Variants in C4orf50 observed in about 807,000 individuals in gnomAD.
The protein encoded by C4orf50 is chromosome 4 open reading frame 50, also known as uncharacterized protein C4orf50.
C4orf50 carries 80 observed loss-of-function variants against 77.2 expected under a neutral mutation model. The ratio of observed to expected loss-of-function variants is 1.04; its 90% CI spans 0.87 to 1.25. The LOEUF (loss-of-function observed/expected upper bound fraction) is 1.25. Ranked by LOEUF, C4orf50 falls within the 50% of genes most tolerant of loss-of-function variation. The pLI is 0.00. For synonymous variants in C4orf50, 532 were observed against 465.3 expected (o/e 1.14, Z -1.84); for missense variants, 1,257 against 1,152.9 (o/e 1.09, Z -1.31).
At chr4:6,016,507 T>C (rs552669864) in intron 23 of C4orf50, among the ~76,000 whole-genome samples, 3 of 152,216 alleles carry the variant, frequency 2.0e-5, no homozygotes, top group African/African-American at 7.2e-5. Context: ...CAAGATTATG[T>C]CACTTCACTC....
At chr4:5,936,145 AG>A (rs1242132310) in intron 7 of C4orf50, among the ~76,000 whole-genome samples, 1 of 152,178 alleles carries the variant, frequency 6.6e-6, no homozygotes, top group Non-Finnish European at 1.5e-5. Flanking sequence ...ACTAAAGTAC[AG>A]AAAGATCACA....
At chr4:5,980,253 C>A in exon 29 of C4orf50, 2 of 1,612,752 alleles carry the variant, frequency 1.2e-6, no homozygotes, top group Non-Finnish European at 1.7e-6. Flanking sequence ...CCTGAGCTGG[C>A]ACTGCAGGGT....
intron 7 of C4orf50, among the ~76,000 whole-genome samples, chr4:5,940,091 CTAAT>C (rs1202368584): frequency 6.6e-5 from 10 of 152,198 alleles, no homozygotes; most frequent in Admixed American, 2.6e-4. Flanking sequence ...CCTCCCATAG[CTAAT>C]TAAATATGTA....
rs143339472 is a variant in C4orf50, at chr4:5,932,936, T to A, written c.*2474+23965A>T. Among the ~76,000 whole-genome samples the A allele has an allele frequency of 6.6e-6, 1 of 152,336 alleles. No individual in the cohort carries two copies. The highest frequency in any genetic ancestry group is 2.4e-5 in the African/African-American group (1 of 41,582). ...CTCCTGGCATACAGCAGCCACTCAA[T>A]AAATGGCGGAAACCATATTATCATT... On this transcript the variant is annotated intron_variant, in intron 7 of 7. Coordinates refer to the C4orf50 transcript ENST00000324058. This position sits in a 1 kb window ranked among gnomAD's most constrained non-coding sequence, Gnocchi z 4.2.
intron 33 of C4orf50, among the ~76,000 whole-genome samples, chr4:5,961,996 T>C (rs1719301345): frequency 6.6e-6 from 1 of 152,216 alleles, no homozygotes. Flanking sequence ...CCAGCCCAGA[T>C]ACATGGCTTG....
intron 33 of C4orf50, among the ~76,000 whole-genome samples, chr4:5,963,495 C>T (rs6844870): frequency 0.67 from 101,554 of 151,992 alleles, 34,715 homozygotes; most frequent in African/African-American, 0.74. Context: ...TTTTTGATTC[C>T]AGGCACTATA....
chr4:5,973,186 G>A (rs1216346686), intron 31 of C4orf50, among the ~76,000 whole-genome samples: 1 of 152,160 alleles, frequency 6.6e-6, no homozygotes, highest in Non-Finnish European at 1.5e-5. Flanking sequence ...GCGGGGCCAC[G>A]TGCAATGGAG....
exon 28 of C4orf50, chr4:5,990,353 T>G: frequency 1.7e-6 from 1 of 577,542 alleles, no homozygotes; most frequent in Non-Finnish European, 2.6e-6. Flanking sequence ...AAAGTCCCCC[T>G]TGCCTTCCCC....
At chr4:5,914,790 T>A (rs1163120694) in intron 7 of C4orf50, among the ~76,000 whole-genome samples, 1 of 152,192 alleles carries the variant, frequency 6.6e-6, no homozygotes, top group Non-Finnish European at 1.5e-5. Context: ...TGAGCTTGTT[T>A]TACAAGGCTG....
chr4:5,979,571 G>T (rs771446146), intron 29 of C4orf50, among the ~76,000 whole-genome samples: 85 of 152,374 alleles, frequency 5.6e-4, no homozygotes, highest in Non-Finnish European at 7.3e-4. Flanking sequence ...TTATATTTTA[G>T]ATGATTAAGA....
At chr4:5,961,028 T>A (rs775119638) in intron 33 of C4orf50, among the ~76,000 whole-genome samples, 2 of 152,188 alleles carry the variant, frequency 1.3e-5, no homozygotes, top group Non-Finnish European at 2.9e-5. Context: ...TGGAAGTGGC[T>A]GTCTCTTCAT....
At chr4:6,013,890 A>G (rs1199040702) in intron 23 of C4orf50, among the ~76,000 whole-genome samples, 1 of 152,166 alleles carries the variant, frequency 6.6e-6, no homozygotes, top group Non-Finnish European at 1.5e-5. Flanking sequence ...GTGTTACAGC[A>G]ACCACGGGAA....
chr4:5,912,088 C>CAA (rs59166327), intron 7 of C4orf50, among the ~76,000 whole-genome samples: 1 of 152,292 alleles, frequency 6.6e-6, no homozygotes. Flanking sequence ...CACAAACAAA[C>CAA]ACAAACAAAC....
intron 25 of C4orf50, among the ~76,000 whole-genome samples, chr4:5,997,096 A>G (rs1234081712): frequency 6.6e-6 from 1 of 152,248 alleles, no homozygotes; most frequent in Non-Finnish European, 1.5e-5. Context: ...TCAAAGTGAA[A>G]GCAGGAAGAG....
In C4orf50 at chr4:5,910,907, C is replaced by CTTTTTTTTTTT. The variant is rs33913636; in HGVS notation, c.*2475-12730_*2475-12720dup. 4.7e-4 allele frequency among the ~76,000 whole-genome samples: 50 copies of CTTTTTTTTTTT among 106,554 alleles called. 1 individual carries two copies. Among genetic ancestry groups the CTTTTTTTTTTT allele is most frequent in the Non-Finnish European group, 6.9e-4 (39 of 56,798 alleles). The allele number at this position is 106,554 out of a possible 152,430, so 69.9% of individuals were successfully genotyped here. ...GCCAATGGGTTTCTTCCCTTTCTTT[C>CTTTTTTTTTTT]TTTTTTTTTTTTTTTTTTTTGAGAC... On this transcript the variant is annotated intron_variant, in intron 7 of 7. Transcript: ENST00000324058.
intron 7 of C4orf50, among the ~76,000 whole-genome samples, chr4:5,922,745 A>T (rs1441109398): frequency 6.6e-6 from 1 of 152,148 alleles, no homozygotes; most frequent in Non-Finnish European, 1.5e-5. Flanking sequence ...CATGCTCATC[A>T]AATGGGCAGA....
rs1006429914 is a variant in C4orf50, at chr4:5,901,834, T to G, written c.*2475-3646A>C. The G allele has an allele frequency of 6.6e-6, 1 of 152,206 alleles. No individual in the cohort carries two copies. The highest frequency in any genetic ancestry group is 1.5e-5 in the Non-Finnish European group (1 of 68,074). 9.4% of individuals were successfully genotyped at this position (152,206 alleles called of 1,614,324 possible). ...CCAAGACAGGTATATTCTCTGGTAC[T>G]GCCAGAGAAGTGGGTGAGGTCCAGA... On this transcript the variant is annotated intron_variant, in intron 7 of 7. Transcript: ENST00000324058. The surrounding 1 kb of genome is among the most constrained non-coding windows in gnomAD (Gnocchi z 4.4).
intron 25 of C4orf50, among the ~76,000 whole-genome samples, chr4:6,002,855 C>T (rs1402945061): frequency 6.6e-6 from 1 of 152,212 alleles, no homozygotes; most frequent in Non-Finnish European, 1.5e-5. Context: ...GGTTGTGTGA[C>T]CCTGGACAGG....
intron 7 of C4orf50, among the ~76,000 whole-genome samples, chr4:5,922,971 C>A (rs1401789527): frequency 6.6e-6 from 1 of 152,142 alleles, no homozygotes; most frequent in Non-Finnish European, 1.5e-5. Flanking sequence ...TAGTAATCAT[C>A]ATTCTAAACA....
Sources: allele counts gnomAD v4.1 joint callset (sites outside exome capture counted in the v4.1 genomes callset), GRCh38; gene constraint gnomAD v4.1.1; non-coding constraint Gnocchi (gnomAD v3.1); transcripts MANE v1.5; gene names NCBI Gene and HGNC (gene_info 2026-07-23, HGNC 2026-07-21).